Variants in TFEC observed in about 807,000 individuals in gnomAD.
TFEC encodes the protein class E basic helix-loop-helix protein 34.
In TFEC, 31 loss-of-function variants were observed where a neutral mutation model predicts 41.6. The ratio of observed to expected loss-of-function variants is 0.74; its 90% CI spans 0.56 to 1.01. The LOEUF is 1.01. TFEC is among the 50% of genes least tolerant of loss of function. TFEC has a pLI of 0.00. For missense variants in TFEC, 402 were observed against 404.1 expected (o/e 0.99, Z 0.04); for synonymous variants, 143 against 140.6 (o/e 1.02, Z -0.12).
rs190547259 is a variant in TFEC at position 116,025,701 on chromosome 7, C to A, written c.-73+4932G>T. On this transcript the variant is annotated intron_variant, in intron 1 of 7. Transcript: ENST00000265440. ...TCACAGTGTGTTCTATCAAACCAAG[C>A]AACCATAAAGAAATCACTGGATCAC... 5.3e-5 allele frequency among the ~76,000 whole-genome samples: 8 copies of A among 152,304 alleles called. No individual in the cohort carries two copies. The East Asian group carries it at 1.3e-3, about 26-fold the overall frequency.
intron 3 of TFEC, among the ~76,000 whole-genome samples, chr7:116,074,755 C>T (rs1425994235): frequency 1.3e-5 from 2 of 152,096 alleles, no homozygotes; most frequent in African/African-American, 2.4e-5. Context: ...TAATCACATA[C>T]ATAGGGTATA....
In TFEC at chr7:115,974,087, C is replaced by T. The variant is rs114903507; in HGVS notation, c.267+83G>A. On this transcript the variant is annotated intron_variant, in intron 3 of 7. Coordinates refer to ENST00000265440, the MANE Select transcript of TFEC (RefSeq NM_012252.4). ...TCTGTTTAAAAAGTGCAGAAAAAAG[C>T]ACCAGTTGCTAATCAAATATTTTTA... is the stretch of plus-strand genomic sequence containing the variant. 2.1e-4 allele frequency: 237 copies of T among 1,114,520 alleles called. No homozygotes were observed. In the African/African-American group the frequency reaches 3.5e-3, roughly 16 times the overall value. The allele number at this position is 1,114,520 out of a possible 1,614,324, so 69.0% of individuals were successfully genotyped here.
intron 1 of TFEC, among the ~76,000 whole-genome samples, chr7:116,145,720 C>A (rs1562986164): frequency 6.6e-6 from 1 of 152,184 alleles, no homozygotes; most frequent in Non-Finnish European, 1.5e-5. Flanking sequence ...AGGTGCCAGA[C>A]TGAATCCACA....
chr7:115,951,546 A>G (rs1050602583), intron 5 of TFEC, among the ~76,000 whole-genome samples: 1 of 152,120 alleles, frequency 6.6e-6, no homozygotes, highest in East Asian at 1.9e-4. Context: ...TAATATATAA[A>G]TAAGTGGTTT....
intron 1 of TFEC, among the ~76,000 whole-genome samples, chr7:116,115,537 C>G (rs1466310351): frequency 6.6e-6 from 1 of 151,828 alleles, no homozygotes; most frequent in South Asian, 2.1e-4. Flanking sequence ...GTAAGATGTC[C>G]TTCTCTTTTA....
chr7:116,144,227 T>C (rs1245756836), intron 1 of TFEC, among the ~76,000 whole-genome samples: 1 of 143,490 alleles, frequency 7.0e-6, no homozygotes, highest in Admixed American at 6.9e-5. Flanking sequence ...AAAAAAAAAA[T>C]GAAACAAAGA....
At chr7:116,152,000 A>T (rs979502328) in intron 1 of TFEC, among the ~76,000 whole-genome samples, 2 of 152,190 alleles carry the variant, frequency 1.3e-5, no homozygotes, top group African/African-American at 4.8e-5. Flanking sequence ...TTCTCAAAAA[A>T]AAAGGTAGTA....
intron 3 of TFEC, among the ~76,000 whole-genome samples, chr7:116,078,138 G>A (rs907745805): frequency 6.6e-6 from 1 of 151,864 alleles, no homozygotes; most frequent in Non-Finnish European, 1.5e-5. Flanking sequence ...TCAAAACCAC[G>A]CAAATACATG....
At chr7:116,133,079 A>G (rs1798364491) in intron 1 of TFEC, among the ~76,000 whole-genome samples, 1 of 152,248 alleles carries the variant, frequency 6.6e-6, no homozygotes, top group African/African-American at 2.4e-5. Flanking sequence ...ATGCAATAAA[A>G]GCTATCATCG....
intron 1 of TFEC, among the ~76,000 whole-genome samples, chr7:116,124,791 A>G (rs1798177254): frequency 1.3e-5 from 2 of 152,134 alleles, no homozygotes; most frequent in South Asian, 4.1e-4. Flanking sequence ...GGCATCATAG[A>G]AGGACAATTA....
chr7:116,106,029 A>G (rs1797709175), intron 3 of TFEC, among the ~76,000 whole-genome samples: 1 of 152,038 alleles, frequency 6.6e-6, no homozygotes, highest in Non-Finnish European at 1.5e-5. Context: ...CTCTATCTTT[A>G]TCAACAAAAT....
At chr7:116,041,760 A>G (rs1476589645) in intron 3 of TFEC, among the ~76,000 whole-genome samples, 2 of 152,160 alleles carry the variant, frequency 1.3e-5, no homozygotes, top group Non-Finnish European at 2.9e-5. Flanking sequence ...AATCCTTGTG[A>G]TGCTCTTCCT....
chr7:115,986,098 A>T (rs1038124093), intron 1 of TFEC, among the ~76,000 whole-genome samples: 1 of 152,192 alleles, frequency 6.6e-6, no homozygotes, highest in African/African-American at 2.4e-5. Flanking sequence ...TCATTGAAGC[A>T]CTTACTCTTG....
At chr7:115,953,022 T>C (rs1792028953) in intron 5 of TFEC, among the ~76,000 whole-genome samples, 1 of 152,072 alleles carries the variant, frequency 6.6e-6, no homozygotes, top group Non-Finnish European at 1.5e-5. Flanking sequence ...AGACAGAACA[T>C]GACACCGATG....
chr7:116,124,427 T>C (rs1798170759), intron 1 of TFEC, among the ~76,000 whole-genome samples: 1 of 152,136 alleles, frequency 6.6e-6, no homozygotes, highest in Non-Finnish European at 1.5e-5. Context: ...ACACTGGAAA[T>C]AGCAAGACTG....
chr7:116,009,003 A>G lies in TFEC; in HGVS notation c.-73+21630T>C, dbSNP rs1794904690. On this transcript the variant is annotated intron_variant, in intron 1 of 7. Coordinates refer to ENST00000265440, the MANE Select transcript of TFEC (RefSeq NM_012252.4). Reference sequence around the variant, plus strand: ...CTTAAAAGACTAAAAAGACATGAGTATTATTAAGCAGAGTTTTTCTAATTC... The same window carrying G: ...CTTAAAAGACTAAAAAGACATGAGTGTTATTAAGCAGAGTTTTTCTAATTC... 2.0e-5 allele frequency among the ~76,000 whole-genome samples: 3 copies of G among 152,222 alleles called. No individual in the cohort carries two copies. The South Asian group carries it at 6.2e-4, about 31-fold the overall frequency.
intron 3 of TFEC, among the ~76,000 whole-genome samples, chr7:115,971,038 C>T (rs993906905): frequency 6.6e-6 from 1 of 151,912 alleles, no homozygotes; most frequent in Non-Finnish European, 1.5e-5. Flanking sequence ...ATTTTTGAAG[C>T]TTATTTTAAT....
intron 1 of TFEC, among the ~76,000 whole-genome samples, chr7:116,146,065 C>G (rs913687399): frequency 6.6e-5 from 10 of 152,094 alleles, no homozygotes; most frequent in African/African-American, 2.4e-4. Flanking sequence ...AGTGAAAAAC[C>G]TACGAGTACA....
At chr7:116,148,107 G>A (rs1391240284) in intron 1 of TFEC, among the ~76,000 whole-genome samples, 2 of 152,106 alleles carry the variant, frequency 1.3e-5, no homozygotes, top group African/African-American at 2.4e-5. Context: ...CTTAGTTAGG[G>A]GTTTCTTGCA....
Sources: gnomAD v4.1 joint callset for allele counts (sites outside exome capture counted in the v4.1 genomes callset) on GRCh38, gnomAD v4.1.1 for gene constraint, MANE v1.5 for transcripts, NCBI Gene and HGNC (gene_info 2026-07-23, HGNC 2026-07-21) for gene names.